The following E2F4 variants were observed in gnomAD, a reference collection of about 807,000 sequenced individuals.
The protein encoded by E2F4 is E2F transcription factor 4, also known as transcription factor E2F4.
A neutral mutation model predicts 44.5 loss-of-function variants in E2F4; 16 were observed. That is an observed-to-expected ratio of 0.36 (90% confidence interval 0.24 to 0.55). E2F4 has a LOEUF of 0.55. E2F4 is among the 20% of genes least tolerant of loss of function. E2F4 has a pLI of 0.87. For missense variants in E2F4, 473 were observed against 522.1 expected (o/e 0.91, Z 0.92); for synonymous variants, 242 against 207.2 (o/e 1.17, Z -1.44).
In E2F4 at chr16:67,198,765, A is replaced by G. The variant is rs541536417; in HGVS notation, c.*642A>G. On this transcript the variant is annotated 3_prime_UTR_variant, in exon 10 of 10. Coordinates refer to ENST00000379378, the MANE Select transcript of E2F4 (RefSeq NM_001950.4). Reference sequence around the variant, plus strand: ...ACCCTCTCTTCATTTCGGCTTTTTCATTTACCCTCATTTAGAGCCATTTGC... The same window carrying G: ...ACCCTCTCTTCATTTCGGCTTTTTCGTTTACCCTCATTTAGAGCCATTTGC... The G allele has an allele frequency of 2.6e-5, 5 of 195,162 alleles. No homozygotes were observed. In the East Asian group the frequency reaches 6.7e-4, roughly 26 times the overall value. The allele number at this position is 195,162 out of a possible 1,614,324, so 12.1% of individuals were successfully genotyped here.
At position 67,198,906 on chromosome 16, in the gene E2F4, A is replaced by G; in HGVS notation, c.*783A>G. Reference sequence around the variant, plus strand: ...TACAGTGTTCAAGTGAATAAAAACCATGCCTAAGGCTAGCTCTGATGTGGT... The same window carrying G: ...TACAGTGTTCAAGTGAATAAAAACCGTGCCTAAGGCTAGCTCTGATGTGGT... On this transcript the variant is annotated 3_prime_UTR_variant, in exon 10 of 10. Coordinates refer to ENST00000379378, the MANE Select transcript of E2F4 (RefSeq NM_001950.4). 1.8e-6 allele frequency: 1 copy of G among 553,544 alleles called. No individual in the cohort carries two copies. The highest frequency in any genetic ancestry group is 2.4e-5 in the South Asian group (1 of 41,150). 34.3% of individuals were successfully genotyped at this position (553,544 alleles called of 1,614,324 possible). A position where few individuals can be genotyped will look rare whatever the true frequency, so the allele number is the denominator to read the frequency against.
In E2F4 at chr16:67,198,124, C is replaced by T. The variant is rs3730412; in HGVS notation, c.*1C>T. On this transcript the variant is annotated 3_prime_UTR_variant, in exon 10 of 10. Transcript: ENST00000379378. Reference sequence around the variant, plus strand: ...TGATGTGCCTGTTCTCAACCTCTGACTGACAGGGACATGCCCTGTGTGGCT... The same window carrying T: ...TGATGTGCCTGTTCTCAACCTCTGATTGACAGGGACATGCCCTGTGTGGCT... 1.2e-4 allele frequency: 187 copies of T among 1,612,574 alleles called. No homozygotes were observed. The African/African-American group carries it at 2.1e-3, about 18-fold the overall frequency.
chr16:67,193,452 A>G lies in E2F4; in HGVS notation c.408-20A>G. Reference sequence around the variant, plus strand: ...CATCTGTCACCATAGGGCATCAGCCATTCTCCTTAACCCTCACACTTTGGC... The same window carrying G: ...CATCTGTCACCATAGGGCATCAGCCGTTCTCCTTAACCCTCACACTTTGGC... On this transcript the variant is annotated intron_variant, in intron 3 of 9. Coordinates refer to ENST00000379378, the MANE Select transcript of E2F4 (RefSeq NM_001950.4). 1 of 1,614,136 alleles carries G rather than the reference A, an allele frequency of 6.2e-7. No individual in the cohort carries two copies. The highest frequency in any genetic ancestry group is 8.5e-7 in the Non-Finnish European group (1 of 1,179,994).
intron 3 of E2F4, 24 bp downstream of exon 3, chr16:67,193,194 G>C (rs750153343): frequency 3.2e-6 from 5 of 1,553,616 alleles, no homozygotes; most frequent in African/African-American, 2.7e-5. Context: ...GGTCCCTGCT[G>C]GGGGGAGTGG....
At position 67,194,954 on chromosome 16, in the gene E2F4, T is replaced by G; in HGVS notation, c.782T>G (p.Met261Arg). 2 of 1,613,780 alleles carry G rather than the reference T, an allele frequency of 1.2e-6. No individual in the cohort carries two copies. Among genetic ancestry groups the G allele is most frequent in the South Asian group, 2.2e-5 (2 of 91,070 alleles). Residue 261 changes from methionine to arginine, a missense_variant, in exon 6 of 10, where the codon ATG becomes AGG. Met to Arg is a moderately conservative substitution (Grantham distance 91). Transcript: ENST00000379378. Reference protein sequence around the residue: ...AVPGSAEVQGMAGPAAEITVS... With the variant: ...AVPGSAEVQGRAGPAAEITVS... ...CCTGGCAGTGCAGAAGTCCAGGGAA[T>G]GGCTGGCCCAGCAGCTGAGATCACA...
intron 3 of E2F4, 51 bp downstream of exon 3, chr16:67,193,221 T>G: frequency 6.5e-7 from 1 of 1,540,476 alleles, no homozygotes; most frequent in Non-Finnish European, 8.8e-7. Context: ...GGCCCTCTGG[T>G]TCAACTTGCC....
rs774940740 is a variant in E2F4, at chr16:67,195,847, A to G, written c.874A>G (p.Thr292Ala). 4 of 1,614,122 alleles carry G rather than the reference A, an allele frequency of 2.5e-6. No individual in the cohort carries two copies. The highest frequency in any genetic ancestry group is 3.4e-6 in the Non-Finnish European group (4 of 1,180,000). ...GELSSLPLGPTTLDTRPLQSS... is the reference protein window; with the variant it reads ...GELSSLPLGPATLDTRPLQSS... ...GCTCAGTTCACTCCCACTGGGCCCA[A>G]CAACACTGGACACCCGGCCACTGCA... The change falls in exon 7 of 10, where the codon ACA becomes GCA. Residue 292 changes from threonine (T) to alanine (A), a missense_variant. Physicochemically the swap from Thr to Ala is moderately conservative, Grantham distance 58. Around this residue, in one of 3 missense-constraint regions of E2F4, gnomAD observed 314 missense variants for 315.6 expected, o/e 0.99. Transcript: ENST00000379378.
chr16:67,194,513 G>T (rs1388595885), intron 5 of E2F4, 54 bp downstream of exon 5: 5 of 1,608,974 alleles, frequency 3.1e-6, no homozygotes, highest in Non-Finnish European at 4.2e-6. Flanking sequence ...GCTGGCTGTG[G>T]AGCCTGATAA....
intron 7 of E2F4, among the ~76,000 whole-genome samples, chr16:67,196,454 G>T (rs1258766127): frequency 6.6e-6 from 1 of 152,198 alleles, no homozygotes; most frequent in Non-Finnish European, 1.5e-5. Context: ...TGTTTTGCTG[G>T]TGCTCTCTTG....
intron 7 of E2F4, among the ~76,000 whole-genome samples, chr16:67,196,723 C>T (rs548449378): frequency 1.3e-5 from 2 of 152,318 alleles, no homozygotes; most frequent in South Asian, 2.1e-4. Context: ...CACTTTATTC[C>T]TGCATGTCCT....
At chr16:67,194,268 G>T in intron 4 of E2F4, 130 bp from the exon 5 acceptor site, 1 of 939,032 alleles carries the variant, frequency 1.1e-6, no homozygotes. Context: ...GCCACTATGG[G>T]GGATGGGTGA....
chr16:67,195,048 C>A, intron 6 of E2F4, 68 bp downstream of exon 6: 1 of 1,550,228 alleles, frequency 6.5e-7, no homozygotes. Flanking sequence ...GAACACCATG[C>A]TCAGAGTTGG....
At position 67,196,029 on chromosome 16, in the gene E2F4, C is replaced by CAG. The variant is rs550471473; in HGVS notation, c.1033+34_1033+35dup. The CAG allele has an allele frequency of 6.8e-5, 110 of 1,612,234 alleles. 1 individual carries two copies. The highest frequency in any genetic ancestry group is 4.3e-4 in the African/African-American group (32 of 74,872). ...GTGGTGAGTACCTGCCCCCTGGGGG[C>CAG]AGAGAGAGAGAGTCTAGCCTCAGTC... On this transcript the variant is annotated intron_variant, in intron 7 of 9. Transcript: ENST00000379378.
intron 7 of E2F4, among the ~76,000 whole-genome samples, chr16:67,196,250 T>A (rs1291950390): frequency 1.3e-5 from 2 of 152,170 alleles, no homozygotes; most frequent in Non-Finnish European, 2.9e-5. Flanking sequence ...CCTCACTAAT[T>A]GACACTTCTC....
chr16:67,194,870 T>G lies in E2F4; in HGVS notation c.698T>G (p.Leu233Arg). The change falls in exon 6 of 10, where the codon CTA becomes CGA. Residue 233 changes from leucine to arginine, a missense_variant. Leu to Arg is a moderately radical substitution (Grantham distance 102, BLOSUM62 -2). Around this residue, in one of 3 missense-constraint regions of E2F4, gnomAD observed 314 missense variants for 315.6 expected, o/e 0.99. Coordinates refer to ENST00000379378, the MANE Select transcript of E2F4 (RefSeq NM_001950.4). ...STPPPLPKPA[L>R]AQSQEASRPN... ...CCTCCACCTCTGCCCAAGCCTGCCC[T>G]AGCCCAGTCCCAGGAAGCCTCACGT... 1.2e-6 allele frequency: 2 copies of G among 1,614,162 alleles called. No homozygotes were observed. The highest frequency in any genetic ancestry group is 1.7e-6 in the Non-Finnish European group (2 of 1,180,020).
In E2F4 at chr16:67,198,430, T is replaced by A; in HGVS notation, c.*307T>A. ...GTGGCACAGAACCGAGGAGCTGCCA[T>A]TACCCCCCATAGGGGGCAGTGTCTT... On this transcript the variant is annotated 3_prime_UTR_variant, in exon 10 of 10. Coordinates refer to ENST00000379378, the MANE Select transcript of E2F4 (RefSeq NM_001950.4). 2.7e-6 allele frequency: 1 copy of A among 372,620 alleles called. No individual in the cohort carries two copies. Among genetic ancestry groups the A allele is most frequent in the Non-Finnish European group, 5.0e-6 (1 of 198,758 alleles). The allele number at this position is 372,620 out of a possible 1,614,324, so 23.1% of individuals were successfully genotyped here.
At chr16:67,192,475 T>C (rs2032902247) in intron 1 of E2F4, 113 bp downstream of exon 1, 1 of 1,336,308 alleles carries the variant, frequency 7.5e-7, no homozygotes, top group Non-Finnish European at 9.7e-7. Context: ...CGCCATCGTG[T>C]GCTTTCTCAC....
At position 67,192,175 on chromosome 16, in the gene E2F4, C is replaced by G. The variant is rs1461272226; in HGVS notation, c.-53C>G. 3 of 1,147,682 alleles carry G rather than the reference C, an allele frequency of 2.6e-6. No individual in the cohort carries two copies. The highest frequency in any genetic ancestry group is 3.2e-6 in the Non-Finnish European group (3 of 933,828). 71.1% of individuals were successfully genotyped at this position (1,147,682 alleles called of 1,614,324 possible). On this transcript the variant is annotated 5_prime_UTR_variant, in exon 1 of 10. Transcript: ENST00000379378. The stretch of plus-strand genomic sequence containing the variant: ...CGGCCAGGAACGGAAGCGGAAGTGG[C>G]GGCGGCGCCGGCCTGGCCTGGCCTG...
At chr16:67,197,348 T>C (rs921133573) in intron 7 of E2F4, among the ~76,000 whole-genome samples, 4 of 152,188 alleles carry the variant, frequency 2.6e-5, no homozygotes, top group Admixed American at 2.6e-4. Context: ...GAGGCTTCTG[T>C]GGCCTTTCCG....
Sources: gnomAD v4.1 joint callset for allele counts (sites outside exome capture counted in the v4.1 genomes callset) on GRCh38, gnomAD v4.1.1 for gene constraint, gnomAD v4.1.1 regional missense constraint, MANE v1.5 for transcripts, NCBI Gene and HGNC (gene_info 2026-07-23, HGNC 2026-07-21) for gene names.